FAM178B: variants seen among roughly 807,000 people sequenced by gnomAD.
The protein encoded by FAM178B is family with sequence similarity 178 member B, also known as protein FAM178B.
Under a neutral mutation model 91.7 loss-of-function variants are expected in FAM178B, and 82 were observed. The ratio of observed to expected loss-of-function variants is 0.89; its 90% confidence interval spans 0.75 to 1.07. The LOEUF (loss-of-function observed/expected upper bound fraction) is 1.07. FAM178B is among the 50% of genes least tolerant of loss of function. The probability of loss-of-function intolerance (pLI) is 0.00; values close to 1 mark genes in which losing one functional copy is unlikely to be tolerated. For missense variants in FAM178B, 769 were observed against 846.7 expected (o/e 0.91, Z 1.14); for synonymous variants, 368 against 359.4 (o/e 1.02, Z -0.27).
chr2:96,879,836 G>A (rs1454533349), intron 14 of FAM178B, among the ~76,000 whole-genome samples: 1 of 152,250 alleles, frequency 6.6e-6, no homozygotes, highest in Non-Finnish European at 1.5e-5. Context: ...CCCTGCAGCG[G>A]CCTGTGGACG....
rs199924229 is a variant in FAM178B, at chr2:96,936,179, ATTC to A, written c.1079-6862_1079-6860del. Among the ~76,000 whole-genome samples, 815 of 151,994 alleles carry A rather than the reference ATTC, an allele frequency of 5.4e-3. 13 individuals carry two copies. Among genetic ancestry groups the A allele is most frequent in the African/African-American group, 0.018 (759 of 41,492 alleles). ...TAAAAAAAAATACAACAACAAAAGTATTCTTCTTTTTATTTATTTATTTATTAT... is the reference window on the plus strand; with the variant it reads ...TAAAAAAAAATACAACAACAAAAGTATTCTTTTTATTTATTTATTTATTAT... On this transcript the variant is annotated intron_variant, in intron 8 of 16. Coordinates refer to ENST00000490605, the MANE Select transcript of FAM178B (RefSeq NM_001122646.3).
At chr2:96,889,199 C>T (rs1448882763) in intron 14 of FAM178B, among the ~76,000 whole-genome samples, 1 of 152,196 alleles carries the variant, frequency 6.6e-6, no homozygotes, top group Non-Finnish European at 1.5e-5. Flanking sequence ...GACTCTGCCC[C>T]AGCTCTGGGA....
intron 12 of FAM178B, among the ~76,000 whole-genome samples, chr2:96,908,257 T>C (rs978695781): frequency 6.6e-6 from 1 of 151,864 alleles, no homozygotes; most frequent in Non-Finnish European, 1.5e-5. Flanking sequence ...CCCAGACGAG[T>C]GGACCACCAC....
At chr2:96,903,236 T>C (rs551924122) in intron 12 of FAM178B, among the ~76,000 whole-genome samples, 251 of 152,312 alleles carry the variant, frequency 1.6e-3, no homozygotes, top group African/African-American at 5.9e-3. Flanking sequence ...AGACAGGGTT[T>C]CACCATGTTA....
intron 1 of FAM178B, among the ~76,000 whole-genome samples, chr2:96,977,400 A>G (rs1316801456): frequency 1.1e-4 from 16 of 150,068 alleles, no homozygotes; most frequent in African/African-American, 2.4e-4. Flanking sequence ...AAAAAAAAAA[A>G]AAAGAAAAAC....
intron 6 of FAM178B, among the ~76,000 whole-genome samples, chr2:96,954,077 C>T (rs544751411): frequency 3.9e-5 from 6 of 152,222 alleles, no homozygotes; most frequent in East Asian, 1.9e-4. Flanking sequence ...CCTCTGTCCA[C>T]GGCCAAGCCA....
chr2:96,960,316 G>T lies in FAM178B; in HGVS notation c.859C>A (p.Arg287Ser), dbSNP rs934745820. 1.3e-6 allele frequency: 2 copies of T among 1,551,656 alleles called. No homozygotes were observed. Among genetic ancestry groups the T allele is most frequent in the Admixed American group, 2.0e-5 (1 of 50,988 alleles). ...AGGAACAGCCCTTCCAGGTGGCTGCGTGGCTTCAGGAGTGAGGAGTCCAGG... is the reference window on the plus strand; with the variant it reads ...AGGAACAGCCCTTCCAGGTGGCTGCTTGGCTTCAGGAGTGAGGAGTCCAGG... ...CILDSSLLKP[R>S]SHLEGLFLSS... Residue 287 changes from arginine (R) to serine (S), a missense_variant, in exon 6 of 17, where the codon CGC becomes AGC. Coordinates refer to ENST00000490605, the MANE Select transcript of FAM178B (RefSeq NM_001122646.3).
At chr2:96,912,698 T>C (rs191289753) in intron 12 of FAM178B, among the ~76,000 whole-genome samples, 68 of 152,344 alleles carry the variant, frequency 4.5e-4, no homozygotes, top group Admixed American at 3.6e-3. Flanking sequence ...GATCATGGCC[T>C]GACCGCCGCC....
At chr2:96,958,862 G>T (rs2082040490) in intron 6 of FAM178B, among the ~76,000 whole-genome samples, 1 of 151,808 alleles carries the variant, frequency 6.6e-6, no homozygotes, top group Non-Finnish European at 1.5e-5. Context: ...ACAAACTGAA[G>T]TATTTGTAGA....
At chr2:96,885,426 C>T (rs2080492969) in intron 14 of FAM178B, among the ~76,000 whole-genome samples, 1 of 152,210 alleles carries the variant, frequency 6.6e-6, no homozygotes, top group Non-Finnish European at 1.5e-5. Context: ...CTATCTCTAG[C>T]TGGGGCCTGG....
Position 96,929,211 on chromosome 2 carries a change from A to G in FAM178B, c.1188T>C (p.Gly396=). ...GAGGAAGCAGAAGTACTCACCTGCC[A>G]CCGTGCCAAAAGGGCCCCAGAGGGT... is the stretch of plus-strand genomic sequence containing the variant. The part of the protein sequence containing the change: ...ALYPLGPFWH[G]GRVLPGEAGL... Residue 396 remains glycine (G), a synonymous_variant, in exon 9 of 17, where the codon GGT becomes GGC. Coordinates refer to ENST00000490605, the MANE Select transcript of FAM178B (RefSeq NM_001122646.3). 1.3e-6 allele frequency: 2 copies of G among 1,549,788 alleles called. No homozygotes were observed. The highest frequency in any genetic ancestry group is 2.4e-5 in the South Asian group (2 of 84,026).
Position 96,986,528 on chromosome 2 carries a change from G to T in FAM178B, c.-215C>A, listed in dbSNP as rs1045117551. ...ATTGAGTTCCGACTCCAAACCAAGC[G>T]GCCAGCTCACAGCCGCCGCCGCCGC... On this transcript the variant is annotated 5_prime_UTR_variant, in exon 1 of 17. Transcript: ENST00000490605. 4 of 591,220 alleles carry T rather than the reference G, an allele frequency of 6.8e-6. No individual in the cohort carries two copies. The highest frequency in any genetic ancestry group is 8.5e-6 in the Non-Finnish European group (3 of 351,412). 36.6% of individuals were successfully genotyped at this position (591,220 alleles called of 1,614,324 possible).
In FAM178B at chr2:96,948,800, A is replaced by G. The variant is rs2081874940; in HGVS notation, c.994-898T>C. Among the ~76,000 whole-genome samples the G allele has an allele frequency of 2.6e-5, 4 of 152,242 alleles. No individual in the cohort carries two copies. The South Asian group carries it at 8.3e-4, about 32-fold the overall frequency. On this transcript the variant is annotated intron_variant, in intron 7 of 16. Coordinates refer to ENST00000490605, the MANE Select transcript of FAM178B (RefSeq NM_001122646.3). ...CACCTAGTGCAAGGTCACAGCCCTC[A>G]CCAAGTGTCTGCGTCTGATAATTGG...
chr2:96,969,904 GAA>G (rs2082194184), intron 4 of FAM178B, among the ~76,000 whole-genome samples: 1 of 152,226 alleles, frequency 6.6e-6, no homozygotes. Context: ...GAGGAGGGTG[GAA>G]AGAGTGGGTA....
intron 12 of FAM178B, among the ~76,000 whole-genome samples, chr2:96,911,985 G>GA (rs2081166823): frequency 6.6e-6 from 1 of 152,182 alleles, no homozygotes; most frequent in Admixed American, 6.5e-5. Flanking sequence ...CATGTGCCTG[G>GA]AGCTGAGGCC....
intron 14 of FAM178B, among the ~76,000 whole-genome samples, chr2:96,880,899 T>G (rs1246581371): frequency 1.3e-5 from 2 of 151,888 alleles, no homozygotes; most frequent in Non-Finnish European, 2.9e-5. Flanking sequence ...CGGCTAAAAC[T>G]TTTTTTTAAC....
At chr2:96,973,320 T>C (rs2082248938) in intron 1 of FAM178B, among the ~76,000 whole-genome samples, 1 of 152,282 alleles carries the variant, frequency 6.6e-6, no homozygotes, top group Admixed American at 6.5e-5. Context: ...GTAAGTCTGT[T>C]TGTTCACAAG....
intron 5 of FAM178B, among the ~76,000 whole-genome samples, chr2:96,961,093 A>G (rs1194461284): frequency 6.6e-6 from 1 of 152,094 alleles, no homozygotes; most frequent in Non-Finnish European, 1.5e-5. Flanking sequence ...GATTTAGTGG[A>G]TGGGAGCTGG....
In FAM178B at chr2:96,972,601, T is replaced by A. The variant is rs1014479821; in HGVS notation, c.79A>T (p.Met27Leu). 2.3e-5 allele frequency: 35 copies of A among 1,551,312 alleles called. No homozygotes were observed. Among genetic ancestry groups the A allele is most frequent in the Non-Finnish European group, 2.9e-5 (33 of 1,146,966 alleles). The change falls in exon 2 of 17, where the codon ATG becomes TTG. Residue 27 changes from methionine (M) to leucine (L), a missense_variant. Transcript: ENST00000490605. Reference sequence around the variant, plus strand: ...CCAGCCATCTGCAAGCCGTGGGACATCTGTCCTGGAAGGAAGCGCCTGTGA... The same window carrying A: ...CCAGCCATCTGCAAGCCGTGGGACAACTGTCCTGGAAGGAAGCGCCTGTGA... ...QDQRLHFTGQ[M>L]SHGLQMAGPQ...
Sources: gnomAD v4.1 joint callset for allele counts (sites outside exome capture counted in the v4.1 genomes callset) on GRCh38, gnomAD v4.1.1 for gene constraint, MANE v1.5 for transcripts, NCBI Gene and HGNC (gene_info 2026-07-23, HGNC 2026-07-21) for gene names.